The following FMN2 variants were observed in gnomAD, a reference collection of about 807,000 sequenced individuals.
FMN2 encodes formin 2.
Under a neutral mutation model 142.3 loss-of-function variants are expected in FMN2, and 51 were observed. The ratio of observed to expected loss-of-function variants is 0.36; its 90% CI spans 0.29 to 0.45. The LOEUF (loss-of-function observed/expected upper bound fraction) is 0.45, where lower values mean the gene tolerates loss of function less well. Among genes scored for constraint, FMN2 ranks in the 20% least tolerant of loss-of-function variants. FMN2 has a pLI of 1.00. For synonymous variants in FMN2, 882 were observed against 869.8 expected (o/e 1.01, Z -0.25); for missense variants, 1,936 against 2,122.8 (o/e 0.91, Z 1.73).
intron 2 of FMN2, among the ~76,000 whole-genome samples, chr1:240,172,383 A>G (rs150246437): frequency 9.8e-5 from 15 of 152,320 alleles, no homozygotes; most frequent in African/African-American, 3.6e-4. Flanking sequence ...AGTAGAGATG[A>G]TGTGTAGGTG....
intron 14 of FMN2, among the ~76,000 whole-genome samples, chr1:240,374,864 T>C (rs1395487663): frequency 6.6e-6 from 1 of 152,250 alleles, no homozygotes; most frequent in Non-Finnish European, 1.5e-5. Flanking sequence ...CTCTCCACTT[T>C]GGACATGCCT....
chr1:240,196,017 A>G (rs1234405871), intron 4 of FMN2, among the ~76,000 whole-genome samples: 1 of 152,216 alleles, frequency 6.6e-6, no homozygotes, highest in Non-Finnish European at 1.5e-5. Flanking sequence ...TGAAAAAACC[A>G]AAACAAGACA....
chr1:240,237,474 C>T (rs906580549), intron 6 of FMN2, among the ~76,000 whole-genome samples: 3 of 152,148 alleles, frequency 2.0e-5, no homozygotes, highest in Admixed American at 2.0e-4. Flanking sequence ...ATTTTGTTTA[C>T]TGATATGCAT....
At chr1:240,227,561 T>C (rs1435841994) in intron 6 of FMN2, among the ~76,000 whole-genome samples, 1 of 152,150 alleles carries the variant, frequency 6.6e-6, no homozygotes, top group Non-Finnish European at 1.5e-5. Flanking sequence ...TACAAAACTA[T>C]AGTAATTAAG....
intron 4 of FMN2, among the ~76,000 whole-genome samples, chr1:240,198,512 ATCATG>A (rs1666006325): frequency 6.6e-6 from 1 of 152,196 alleles, no homozygotes; most frequent in South Asian, 2.1e-4. Context: ...TCCATAATTC[ATCATG>A]TATTTTATAC....
At chr1:240,437,680 A>T (rs572849235) in intron 15 of FMN2, among the ~76,000 whole-genome samples, 27 of 152,250 alleles carry the variant, frequency 1.8e-4, no homozygotes, top group Non-Finnish European at 3.5e-4. Context: ...TATGGACTAC[A>T]TACTAGTTTG....
intron 2 of FMN2, among the ~76,000 whole-genome samples, chr1:240,133,190 G>A (rs1462223311): frequency 6.6e-6 from 1 of 152,118 alleles, no homozygotes; most frequent in Non-Finnish European, 1.5e-5. Flanking sequence ...TTTTGAGACA[G>A]CATCTTGCTC....
intron 8 of FMN2, among the ~76,000 whole-genome samples, chr1:240,312,922 T>C (rs558217033): frequency 3.3e-4 from 50 of 152,354 alleles, no homozygotes; most frequent in Non-Finnish European, 6.2e-4. Context: ...TTTCCTTATA[T>C]GTCAATGCAA....
intron 8 of FMN2, among the ~76,000 whole-genome samples, chr1:240,298,817 T>A (rs75879933): frequency 0.012 from 1,800 of 152,314 alleles, 39 homozygotes; most frequent in African/African-American, 0.041. Context: ...GGACCGCTGC[T>A]GTCTATGTAA....
chr1:240,257,056 C>T (rs1014628823), intron 6 of FMN2, among the ~76,000 whole-genome samples: 6 of 152,150 alleles, frequency 3.9e-5, no homozygotes, highest in African/African-American at 1.4e-4. Flanking sequence ...CCTTTTCCTC[C>T]AGTGTTTTTC....
At chr1:240,093,768 T>C in intron 1 of FMN2, 44 bp downstream of exon 1, 1 of 1,269,682 alleles carries the variant, frequency 7.9e-7, no homozygotes, top group South Asian at 2.8e-5. Context: ...AAGTCGCCTG[T>C]CAGTCAGGGC....
intron 16 of FMN2, among the ~76,000 whole-genome samples, chr1:240,469,726 C>G (rs891330088): frequency 2.0e-5 from 3 of 152,210 alleles, no homozygotes; most frequent in Non-Finnish European, 4.4e-5. Flanking sequence ...CCAGGATCCT[C>G]CTCCAGGACA....
At chr1:240,220,810 G>A (rs1200718476) in intron 6 of FMN2, among the ~76,000 whole-genome samples, 2 of 152,046 alleles carry the variant, frequency 1.3e-5, no homozygotes, top group Non-Finnish European at 2.9e-5. Flanking sequence ...GTGGTTTGCT[G>A]CACCCATCAA....
intron 8 of FMN2, 57 bp from the exon 9 acceptor site, chr1:240,329,019 A>G (rs1671291346): frequency 1.4e-6 from 2 of 1,424,798 alleles, no homozygotes; most frequent in African/African-American, 1.4e-5. Flanking sequence ...TTAGATTATT[A>G]TCTAAGGGAT....
intron 8 of FMN2, among the ~76,000 whole-genome samples, chr1:240,298,371 CT>C (rs1335899395): frequency 3.9e-5 from 6 of 152,140 alleles, no homozygotes; most frequent in Admixed American, 1.3e-4. Context: ...AAAAATAAGT[CT>C]TGGGAAGGCA....
At chr1:240,398,124 T>C (rs1410418534) in intron 15 of FMN2, among the ~76,000 whole-genome samples, 1 of 151,976 alleles carries the variant, frequency 6.6e-6, no homozygotes, top group Non-Finnish European at 1.5e-5. Flanking sequence ...GCCTCCCCAG[T>C]AGCTAGAATT....
intron 2 of FMN2, among the ~76,000 whole-genome samples, chr1:240,136,496 C>T (rs1662945622): frequency 2.6e-5 from 4 of 152,088 alleles, no homozygotes; most frequent in South Asian, 2.1e-4. Context: ...GTTTTTTCCT[C>T]CTTTAAGAGG....
At chr1:240,310,733 T>C (rs1227056174) in intron 8 of FMN2, among the ~76,000 whole-genome samples, 1 of 152,134 alleles carries the variant, frequency 6.6e-6, no homozygotes, top group Admixed American at 6.5e-5. Context: ...CAAAGTGAGC[T>C]TGTGAGGTGG....
intron 2 of FMN2, among the ~76,000 whole-genome samples, chr1:240,147,761 A>G (rs1309846589): frequency 6.6e-6 from 1 of 152,128 alleles, no homozygotes; most frequent in Non-Finnish European, 1.5e-5. Context: ...TCCCTTAGCT[A>G]CCTGCTGGCT....
Sources: allele counts gnomAD v4.1 joint callset (sites outside exome capture counted in the v4.1 genomes callset), GRCh38; gene constraint gnomAD v4.1.1; transcripts MANE v1.5; gene names NCBI Gene and HGNC (gene_info 2026-07-23, HGNC 2026-07-21).